FLNB: variants seen among roughly 807,000 people sequenced by gnomAD.
FLNB encodes filamin-B.
In FLNB, 111 loss-of-function variants were observed where a neutral mutation model predicts 250.6. The observed-to-expected ratio is 0.44, with a 90% CI of 0.38 to 0.52. The LOEUF (loss-of-function observed/expected upper bound fraction) is 0.52, where lower values mean the gene tolerates loss of function less well. FLNB is among the 20% of genes least tolerant of loss of function. The probability of loss-of-function intolerance (pLI) is 0.00; values close to 1 mark genes in which losing one functional copy is unlikely to be tolerated. For synonymous variants in FLNB, 1,302 were observed against 1,372.1 expected (o/e 0.95, Z 1.13); for missense variants, 2,869 against 3,447.8 (o/e 0.83, Z 4.20).
intron 32 of FLNB, 99 bp downstream of exon 32, chr3:58,143,712 C>G: frequency 6.8e-7 from 1 of 1,477,202 alleles, no homozygotes; most frequent in Non-Finnish European, 9.3e-7. Flanking sequence ...CAGCTCTCGG[C>G]AGCAGGCTGG....
At chr3:58,086,556 T>G (rs1319991347) in intron 4 of FLNB, among the ~76,000 whole-genome samples, 2 of 152,256 alleles carry the variant, frequency 1.3e-5, no homozygotes, top group African/African-American at 4.8e-5. Context: ...TTATTTGTAG[T>G]TCTTTATAAT....
chr3:58,095,473 C>T (rs2097236900), intron 5 of FLNB, among the ~76,000 whole-genome samples: 1 of 152,146 alleles, frequency 6.6e-6, no homozygotes. Flanking sequence ...CCAGGCTGGT[C>T]TTGAACTCCT....
At chr3:58,076,187 G>A (rs1306456525) in intron 1 of FLNB, among the ~76,000 whole-genome samples, 1 of 152,150 alleles carries the variant, frequency 6.6e-6, no homozygotes, top group Non-Finnish European at 1.5e-5. Context: ...GGGATAACTA[G>A]CTGGCCTCTT....
chr3:58,131,914 C>T (rs969579242), intron 25 of FLNB: 5 of 1,529,284 alleles, frequency 3.3e-6, no homozygotes, highest in Non-Finnish European at 4.4e-6. Context: ...AAGTAACAGC[C>T]TTTTGATTTT....
At chr3:58,048,774 C>A (rs1387130347) in intron 1 of FLNB, among the ~76,000 whole-genome samples, 2 of 152,206 alleles carry the variant, frequency 1.3e-5, no homozygotes, top group Non-Finnish European at 2.9e-5. Context: ...AGTTATAATA[C>A]CCTGCTGGTA....
intron 1 of FLNB, among the ~76,000 whole-genome samples, chr3:58,062,966 T>TGGGAC (rs939882997): frequency 3.9e-5 from 6 of 152,212 alleles, no homozygotes; most frequent in African/African-American, 1.4e-4. Flanking sequence ...GTGAATTTGA[T>TGGGAC]GGGACAGTCG....
chr3:58,100,674 T>C (rs1183827143), intron 8 of FLNB, among the ~76,000 whole-genome samples: 1 of 150,254 alleles, frequency 6.7e-6, no homozygotes, highest in Middle Eastern at 3.4e-3. Context: ...CTTGGCTCAC[T>C]GCAGCTTCTG....
intron 18 of FLNB, among the ~76,000 whole-genome samples, chr3:58,116,076 G>A (rs754183305): frequency 2.0e-5 from 3 of 152,132 alleles, no homozygotes; most frequent in Admixed American, 6.5e-5. Flanking sequence ...ATGACATGGC[G>A]CCTGGATTCA....
intron 9 of FLNB, among the ~76,000 whole-genome samples, chr3:58,103,003 T>C (rs1281065387): frequency 1.3e-5 from 2 of 152,188 alleles, no homozygotes; most frequent in Non-Finnish European, 2.9e-5. Context: ...TAGTCTCGGG[T>C]GTAGCAGCCT....
intron 41 of FLNB, 24 bp downstream of exon 41, chr3:58,156,099 C>A: frequency 1.3e-6 from 2 of 1,581,106 alleles, no homozygotes; most frequent in Non-Finnish European, 1.7e-6. Context: ...AAGCATCCAT[C>A]TCCTTGGCCG....
chr3:58,018,139 T>TGGTC (rs1420384545), intron 1 of FLNB, among the ~76,000 whole-genome samples: 2 of 152,218 alleles, frequency 1.3e-5, no homozygotes, highest in East Asian at 3.9e-4. Flanking sequence ...TGCTGAGCAT[T>TGGTC]GGTCTATCTT....
intron 42 of FLNB, 23 bp from the exon 43 acceptor site, chr3:58,163,130 CT>C: frequency 1.2e-6 from 2 of 1,613,468 alleles, no homozygotes; most frequent in Non-Finnish European, 1.7e-6. Flanking sequence ...TGATTTCACC[CT>C]GTGCCTTTGC....
At chr3:58,067,432 G>T (rs1390076767) in intron 1 of FLNB, among the ~76,000 whole-genome samples, 1 of 152,132 alleles carries the variant, frequency 6.6e-6, no homozygotes, top group African/African-American at 2.4e-5. Flanking sequence ...TGGAAATCCA[G>T]CCAACTTCGG....
Position 58,110,146 on chromosome 3 carries a change from T to A in FLNB, c.2460T>A (p.Thr820=), listed in dbSNP as rs770137477. ...KYVPPAAGRY[T]IKVLFASQEI... ...TGCCTCCTGCTGCTGGGCGATACAC[T>A]ATCAAAGTTCTCTTTGCATCTCAGG... Residue 820 remains threonine (T), a synonymous_variant, in exon 16 of 46, where the codon ACT becomes ACA. Transcript: ENST00000295956. 9.3e-6 allele frequency: 15 copies of A among 1,614,234 alleles called. No individual in the cohort carries two copies. The highest frequency in any genetic ancestry group is 1.1e-5 in the Non-Finnish European group (13 of 1,180,042).
chr3:58,125,773 A>G, intron 23 of FLNB, 30 bp downstream of exon 23: 1 of 1,610,430 alleles, frequency 6.2e-7, no homozygotes. Flanking sequence ...TGGTGTCTTG[A>G]GTCTCACTTT....
Position 58,142,606 on chromosome 3 carries a change from G to A in FLNB, c.5182-44G>A, listed in dbSNP as rs368456882. ...AACCCCTGTAGCTTCACCAGCTCCC[G>A]CTGTTGTCTGCTTTACCCAGTGACC... On this transcript the variant is annotated intron_variant, in intron 30 of 45. Transcript: ENST00000295956. The surrounding 1 kb of genome is among the most constrained non-coding windows in gnomAD (Gnocchi z 4.3). 20 of 1,518,638 alleles carry A rather than the reference G, an allele frequency of 1.3e-5. No individual in the cohort carries two copies. Among genetic ancestry groups the A allele is most frequent in the African/African-American group, 5.5e-5 (4 of 73,008 alleles). 94.1% of individuals were successfully genotyped at this position (1,518,638 alleles called of 1,614,324 possible). A position where few individuals can be genotyped will look rare whatever the true frequency, so the allele number is the denominator to read the frequency against.
At chr3:58,022,935 A>C (rs1457760862) in intron 1 of FLNB, among the ~76,000 whole-genome samples, 1 of 151,348 alleles carries the variant, frequency 6.6e-6, no homozygotes, top group Non-Finnish European at 1.5e-5. Context: ...CTCTTGCCTC[A>C]GCCTCCCGAG....
chr3:58,018,017 G>A (rs1354754985), intron 1 of FLNB, among the ~76,000 whole-genome samples: 7 of 152,006 alleles, frequency 4.6e-5, no homozygotes, highest in African/African-American at 1.7e-4. Flanking sequence ...GGCTCTTCTT[G>A]GTACCAAGAA....
chr3:58,061,500 G>A (rs2097178439), intron 1 of FLNB, among the ~76,000 whole-genome samples: 1 of 152,034 alleles, frequency 6.6e-6, no homozygotes, highest in Non-Finnish European at 1.5e-5. Flanking sequence ...ACCGAGATGG[G>A]AGGATTGCTT....
Sources: gnomAD v4.1 joint callset for allele counts (sites outside exome capture counted in the v4.1 genomes callset) on GRCh38, gnomAD v4.1.1 for gene constraint, Gnocchi (gnomAD v3.1) non-coding constraint, MANE v1.5 for transcripts, NCBI Gene and HGNC (gene_info 2026-07-23, HGNC 2026-07-21) for gene names.